ADCK2: variants seen among roughly 807,000 people sequenced by gnomAD.
The protein encoded by ADCK2 is uncharacterized aarF domain-containing protein kinase 2.
In ADCK2, 37 loss-of-function variants were observed where a neutral mutation model predicts 52.3. The observed-to-expected ratio is 0.71, with a 90% CI of 0.54 to 0.93. The LOEUF (loss-of-function observed/expected upper bound fraction) is 0.93. ADCK2 is among the 40% of genes least tolerant of loss of function. The probability of loss-of-function intolerance (pLI) is 0.00; values close to 1 mark genes in which losing one functional copy is unlikely to be tolerated. For synonymous variants in ADCK2, 321 were observed against 349.2 expected (o/e 0.92, Z 0.90); for missense variants, 695 against 798.7 (o/e 0.87, Z 1.56).
At position 140,674,836 on chromosome 7, in the gene ADCK2, G is replaced by T; in HGVS notation, c.1080+79G>T. 1 of 1,489,314 alleles carries T rather than the reference G, an allele frequency of 6.7e-7. No individual in the cohort carries two copies. Among genetic ancestry groups the T allele is most frequent in the South Asian group, 1.3e-5 (1 of 76,588 alleles). The allele number at this position is 1,489,314 out of a possible 1,614,324, so 92.3% of individuals were successfully genotyped here. On this transcript the variant is annotated intron_variant, in intron 2 of 7. Transcript: ENST00000072869. This position sits in a 1 kb window ranked among gnomAD's most constrained non-coding sequence, Gnocchi z 4.6. Reference sequence around the variant, plus strand: ...AGCTGCTACTTAGTAAATGTTGAATGAATAATTTTCTGGTATGTCATAACT... The same window carrying T: ...AGCTGCTACTTAGTAAATGTTGAATTAATAATTTTCTGGTATGTCATAACT...
rs1210399166 is a variant in ADCK2 at position 140,678,419 on chromosome 7, C to G, written c.1081-736C>G. 6.6e-6 allele frequency among the ~76,000 whole-genome samples: 1 copy of G among 152,076 alleles called. No individual in the cohort carries two copies. Among genetic ancestry groups the G allele is most frequent in the Non-Finnish European group, 1.5e-5 (1 of 68,020 alleles). On this transcript the variant is annotated intron_variant, in intron 2 of 7. Transcript: ENST00000072869. The surrounding 1 kb of genome is among the most constrained non-coding windows in gnomAD (Gnocchi z 4.9). Reference sequence around the variant, plus strand: ...GAGGTCTGACCTGGGGATCAAGGTGCTGTCAGAGGAGGCGCCGGCTGAGGG... The same window carrying G: ...GAGGTCTGACCTGGGGATCAAGGTGGTGTCAGAGGAGGCGCCGGCTGAGGG...
In ADCK2 at chr7:140,689,274, A is replaced by T. The variant is rs541174750; in HGVS notation, c.1558-323A>T. Among the ~76,000 whole-genome samples, 88 of 151,900 alleles carry T rather than the reference A, an allele frequency of 5.8e-4. No individual in the cohort carries two copies. In the East Asian group the frequency reaches 7.0e-3, roughly 12 times the overall value. ...TGAGCCACTGCATCTGGCTCTTTTT[A>T]AAAAAAAATTTTTTTTTTTTAAACA... On this transcript the variant is annotated intron_variant, in intron 5 of 7. Coordinates refer to ENST00000072869, the MANE Select transcript of ADCK2 (RefSeq NM_052853.4).
intron 5 of ADCK2, among the ~76,000 whole-genome samples, chr7:140,689,088 C>T (rs1337799270): frequency 6.6e-6 from 1 of 151,958 alleles, no homozygotes; most frequent in Non-Finnish European, 1.5e-5. Flanking sequence ...CTGCCTCAGC[C>T]TCCCAGGTAG....
At position 140,689,656 on chromosome 7, in the gene ADCK2, G is replaced by A. The variant is rs765475783; in HGVS notation, c.1617G>A (p.Val539=). 8.7e-6 allele frequency: 14 copies of A among 1,613,646 alleles called. No individual in the cohort carries two copies. Among genetic ancestry groups the A allele is most frequent in the Non-Finnish European group, 1.2e-5 (14 of 1,179,810 alleles). Residue 539 remains valine (V), a synonymous_variant, in exon 6 of 8, where the codon GTG becomes GTA. Transcript: ENST00000072869. ...HHARASECRD[V]EGFKTEMAML... ...CCCGGGCCAGCGAGTGCAGGGACGT[G>A]GAGGGGTTCAAAACCGAGATGGCCA...
chr7:140,687,056 G>A lies in ADCK2; in HGVS notation c.1372G>A (p.Gly458Ser), dbSNP rs372957490. ...PGNILVQGAN[G>S]LSSSQEAQLQ... ...AAACATCCTGGTTCAGGGTGCCAACGGCCTGTCCTCGAGTCAGGAGGCGCA... is the reference window on the plus strand; with the variant it reads ...AAACATCCTGGTTCAGGGTGCCAACAGCCTGTCCTCGAGTCAGGAGGCGCA... The change falls in exon 5 of 8, where the codon GGC becomes AGC. Residue 458 changes from glycine (G) to serine (S), a missense_variant. Physicochemically the swap from Gly to Ser is moderately conservative, Grantham distance 56. Coordinates refer to ENST00000072869, the MANE Select transcript of ADCK2 (RefSeq NM_052853.4). 2.0e-5 allele frequency: 33 copies of A among 1,613,936 alleles called. No individual in the cohort carries two copies. Among genetic ancestry groups the A allele is most frequent in the African/African-American group, 5.3e-5 (4 of 74,900 alleles).
chr7:140,686,374 A>G (rs914049858), intron 4 of ADCK2, among the ~76,000 whole-genome samples: 1 of 152,100 alleles, frequency 6.6e-6, no homozygotes, highest in Non-Finnish European at 1.5e-5. Flanking sequence ...TCTGCCTCCC[A>G]GGTTCAAGCC....
chr7:140,679,097 G>C lies in ADCK2; in HGVS notation c.1081-58G>C, dbSNP rs574531493. The C allele has an allele frequency of 3.8e-5, 61 of 1,590,800 alleles. No individual in the cohort carries two copies. In the African/African-American group the frequency reaches 5.1e-4, roughly 13 times the overall value. On this transcript the variant is annotated intron_variant, in intron 2 of 7. Coordinates refer to ENST00000072869, the MANE Select transcript of ADCK2 (RefSeq NM_052853.4). ...GACTTGCTAGCTCCTTGGCATTGCAGATGTCACTGTGCCTGTACCCAGACT... is the reference window on the plus strand; with the variant it reads ...GACTTGCTAGCTCCTTGGCATTGCACATGTCACTGTGCCTGTACCCAGACT...
At chr7:140,686,511 C>T (rs1360320193) in intron 4 of ADCK2, among the ~76,000 whole-genome samples, 2 of 152,138 alleles carry the variant, frequency 1.3e-5, no homozygotes, top group African/African-American at 2.4e-5. Context: ...TAACTCCTGA[C>T]CTCAAGTGAT....
At chr7:140,675,784 G>A (rs1794399647) in intron 2 of ADCK2, among the ~76,000 whole-genome samples, 1 of 152,192 alleles carries the variant, frequency 6.6e-6, no homozygotes, top group African/African-American at 2.4e-5. Context: ...GTCACATACT[G>A]TGCCTTTGTT....
intron 7 of ADCK2, among the ~76,000 whole-genome samples, chr7:140,691,330 T>C (rs1033393210): frequency 6.6e-6 from 1 of 152,252 alleles, no homozygotes; most frequent in Non-Finnish European, 1.5e-5. Context: ...ATCTGTGACA[T>C]TTAAATGTAG....
Position 140,683,262 on chromosome 7 carries a change from C to T in ADCK2, c.1305+2125C>T, listed in dbSNP as rs183000129. Among the ~76,000 whole-genome samples the T allele has an allele frequency of 4.3e-3, 654 of 152,156 alleles. 5 individuals carry two copies. The highest frequency in any genetic ancestry group is 0.015 in the African/African-American group (616 of 41,502). On this transcript the variant is annotated intron_variant, in intron 4 of 7. Transcript: ENST00000072869. ...ATCACAGCACTGCACTCCAGCCTGGCGACAGAGCGAGACTCCGTCTAAACA... is the reference window on the plus strand; with the variant it reads ...ATCACAGCACTGCACTCCAGCCTGGTGACAGAGCGAGACTCCGTCTAAACA...
At chr7:140,688,106 G>A (rs939338094) in intron 5 of ADCK2, among the ~76,000 whole-genome samples, 4 of 150,972 alleles carry the variant, frequency 2.6e-5, no homozygotes, top group Non-Finnish European at 5.9e-5. Flanking sequence ...GTGCCTTGGC[G>A]TGATCTCAGC....
At chr7:140,677,227 G>A (rs1794435329) in intron 2 of ADCK2, among the ~76,000 whole-genome samples, 1 of 152,018 alleles carries the variant, frequency 6.6e-6, no homozygotes, top group African/African-American at 2.4e-5. Flanking sequence ...GGCCAACATG[G>A]CGAAACACTG....
chr7:140,674,431 A>T lies in ADCK2; in HGVS notation c.933+168A>T. ...ATTGGCTTGAAGTGGCGGTGTGAAT[A>T]GTCTGATAGAGGAAAATGAACTGAG... On this transcript the variant is annotated intron_variant, in intron 1 of 7. Transcript: ENST00000072869. This position sits in a 1 kb window ranked among gnomAD's most constrained non-coding sequence, Gnocchi z 4.6. The T allele has an allele frequency of 1.9e-6, 2 of 1,080,510 alleles. No individual in the cohort carries two copies. The highest frequency in any genetic ancestry group is 2.6e-6 in the Non-Finnish European group (2 of 773,596). 66.9% of individuals were successfully genotyped at this position (1,080,510 alleles called of 1,614,324 possible).
rs1345710086 is a variant in ADCK2 at position 140,674,291 on chromosome 7, C to A, written c.933+28C>A. The A allele has an allele frequency of 3.8e-6, 6 of 1,579,158 alleles. No individual in the cohort carries two copies. The East Asian group carries it at 9.0e-5, about 24-fold the overall frequency. ...AAGTGTTGTGAGAGCTCACAGCTCA[C>A]CTACCCACTGAGCTATCCCAGATCA... On this transcript the variant is annotated intron_variant, in intron 1 of 7. Coordinates refer to ENST00000072869, the MANE Select transcript of ADCK2 (RefSeq NM_052853.4). The surrounding 1 kb of genome is among the most constrained non-coding windows in gnomAD (Gnocchi z 4.6).
In ADCK2 at chr7:140,674,013, G is replaced by A. The variant is rs1325724285; in HGVS notation, c.683G>A (p.Ser228Asn). Residue 228 changes from serine (S) to asparagine (N), a missense_variant, in exon 1 of 8, where the codon AGC becomes AAC. Coordinates refer to ENST00000072869, the MANE Select transcript of ADCK2 (RefSeq NM_052853.4). The surrounding 1 kb of genome is among the most constrained non-coding windows in gnomAD (Gnocchi z 4.6). ...AACACTGCCTTCCTGGAGACTGACA[G>A]CGTCCAGAGACTTGGCAGGGCCTCC... is the stretch of plus-strand genomic sequence containing the variant. ...YANTAFLETD[S>N]VQRLGRASCL... 1 of 1,614,144 alleles carries A rather than the reference G, an allele frequency of 6.2e-7. No individual in the cohort carries two copies. The highest frequency in any genetic ancestry group is 1.7e-5 in the Admixed American group (1 of 60,024).
chr7:140,674,325 C>A lies in ADCK2; in HGVS notation c.933+62C>A. On this transcript the variant is annotated intron_variant, in intron 1 of 7. Transcript: ENST00000072869. This position sits in a 1 kb window ranked among gnomAD's most constrained non-coding sequence, Gnocchi z 4.6. ...TGAGCTATCCCAGATCAGAAACAACCGCCATGCAAATCGCCCCCACGTTTA... is the reference window on the plus strand; with the variant it reads ...TGAGCTATCCCAGATCAGAAACAACAGCCATGCAAATCGCCCCCACGTTTA... 6.7e-7 allele frequency: 1 copy of A among 1,490,048 alleles called. No individual in the cohort carries two copies. Among genetic ancestry groups the A allele is most frequent in the South Asian group, 1.3e-5 (1 of 77,084 alleles). The allele number at this position is 1,490,048 out of a possible 1,614,324, so 92.3% of individuals were successfully genotyped here. A position where few individuals can be genotyped will look rare whatever the true frequency, so the allele number is the denominator to read the frequency against.
chr7:140,673,685 C>G lies in ADCK2; in HGVS notation c.355C>G (p.Leu119Val). 4.3e-6 allele frequency: 7 copies of G among 1,611,876 alleles called. No homozygotes were observed. Among genetic ancestry groups the G allele is most frequent in the African/African-American group, 1.3e-5 (1 of 75,036 alleles). ...CTTCCCCCTCCTACTCCTCTACCCC[C>G]TCACCTACCTGGCTCCCAGCGTCTC... The part of the protein sequence containing the change: ...KFFPLLLLYP[L>V]TYLAPSVSTL... The change falls in exon 1 of 8, where the codon CTC (leucine) becomes GTC (valine). Residue 119 changes from leucine (L) to valine (V), a missense_variant. Physicochemically the swap from Leu to Val is conservative, Grantham distance 32 (BLOSUM62 1). Coordinates refer to ENST00000072869, the MANE Select transcript of ADCK2 (RefSeq NM_052853.4). This position sits in a 1 kb window ranked among gnomAD's most constrained non-coding sequence, Gnocchi z 6.4.
Position 140,674,964 on chromosome 7 carries a change from C to T in ADCK2, c.1080+207C>T, listed in dbSNP as rs1014439985. On this transcript the variant is annotated intron_variant, in intron 2 of 7. Coordinates refer to ENST00000072869, the MANE Select transcript of ADCK2 (RefSeq NM_052853.4). This position sits in a 1 kb window ranked among gnomAD's most constrained non-coding sequence, Gnocchi z 4.6. ...TTTTTGCTTATATCAAAGTTCTGGC[C>T]GGGCGTGGTGGCTCATGTGTGTAAT... Among the ~76,000 whole-genome samples, 14 of 152,114 alleles carry T rather than the reference C, an allele frequency of 9.2e-5. No homozygotes were observed. The highest frequency in any genetic ancestry group is 4.6e-4 in the Admixed American group (7 of 15,270).
Sources: gnomAD v4.1 joint callset for allele counts (sites outside exome capture counted in the v4.1 genomes callset) on GRCh38, gnomAD v4.1.1 for gene constraint, Gnocchi (gnomAD v3.1) non-coding constraint, MANE v1.5 for transcripts, NCBI Gene and HGNC (gene_info 2026-07-23, HGNC 2026-07-21) for gene names.